Variants in TAFA2 observed in about 807,000 individuals in gnomAD.
TAFA2 encodes the protein chemokine-like protein TAFA-2.
In TAFA2, 7 loss-of-function variants were observed where a neutral mutation model predicts 18.8. The ratio of observed to expected loss-of-function variants is 0.37; its 90% CI spans 0.21 to 0.70. The LOEUF (loss-of-function observed/expected upper bound fraction) is 0.70. Among genes scored for constraint, TAFA2 ranks in the 30% least tolerant of loss-of-function variants. The pLI is 0.53. For missense variants in TAFA2, 122 were observed against 158.1 expected (o/e 0.77, Z 1.23); for synonymous variants, 60 against 54.2 (o/e 1.11, Z -0.47).
intron 4 of TAFA2, among the ~76,000 whole-genome samples, chr12:61,747,077 CAAAAG>C (rs1416278298): frequency 2.0e-5 from 3 of 152,058 alleles, no homozygotes; most frequent in Admixed American, 1.3e-4. Flanking sequence ...AGACACTTCT[CAAAAG>C]AAGACATTTA....
chr12:61,895,040 G>T (rs749175411), intron 1 of TAFA2, among the ~76,000 whole-genome samples: 8 of 152,060 alleles, frequency 5.3e-5, no homozygotes, highest in Non-Finnish European at 1.2e-4. Flanking sequence ...AAAGAACACA[G>T]ACAGAGCAAA....
At position 62,130,783 on chromosome 12, in the gene TAFA2, A is replaced by G. The variant is rs531564550; in HGVS notation, c.-2+60476T>C. ...TTAAGTGTTCTGATTTTCAAACACA[A>G]TATGTTTCTTTGAGAGGGACATGCC... On this transcript the variant is annotated intron_variant, in intron 1 of 4. Transcript: ENST00000416284. Among the ~76,000 whole-genome samples, 4 of 152,152 alleles carry G rather than the reference A, an allele frequency of 2.6e-5. No individual in the cohort carries two copies. The East Asian group carries it at 5.8e-4, about 22-fold the overall frequency.
intron 2 of TAFA2, among the ~76,000 whole-genome samples, chr12:61,762,565 T>C (rs1484854980): frequency 1.3e-5 from 2 of 151,678 alleles, no homozygotes; most frequent in South Asian, 2.1e-4. Context: ...GCAATATGCA[T>C]ATAAGCTGCA....
chr12:61,780,219 C>T (rs1870446731), intron 2 of TAFA2, among the ~76,000 whole-genome samples: 2 of 151,776 alleles, frequency 1.3e-5, no homozygotes, highest in Non-Finnish European at 2.9e-5. Context: ...TGTACATGTG[C>T]TATGACAGGA....
chr12:61,914,848 T>A (rs755982779), intron 1 of TAFA2, among the ~76,000 whole-genome samples: 49 of 152,292 alleles, frequency 3.2e-4, no homozygotes, highest in Non-Finnish European at 5.6e-4. Flanking sequence ...TAAAGACTTA[T>A]TTTATATATG....
chr12:62,078,729 C>G (rs188781000), intron 1 of TAFA2, among the ~76,000 whole-genome samples: 47 of 152,318 alleles, frequency 3.1e-4, no homozygotes, highest in Non-Finnish European at 5.3e-4. Flanking sequence ...TTATGCTCCT[C>G]CCTTGTCTTG....
At chr12:62,194,810 T>C (rs1484633232), upstream of TAFA2, among the ~76,000 whole-genome samples, 2 of 152,224 alleles carry the variant, frequency 1.3e-5, no homozygotes, top group African/African-American at 4.8e-5. Flanking sequence ...ACCACAAATA[T>C]TGCAATAAAG....
rs562243780 is a variant in TAFA2, at chr12:61,973,102, A to G, written c.-1-105676T>C. 7.2e-5 allele frequency among the ~76,000 whole-genome samples: 11 copies of G among 151,792 alleles called. No homozygotes were observed. In the East Asian group the frequency reaches 1.9e-3, roughly 27 times the overall value. ...TCAGACACATAACTCCCATTAAAGTAAATGCATGTTTTTATACACCTGTCA... is the reference window on the plus strand; with the variant it reads ...TCAGACACATAACTCCCATTAAAGTGAATGCATGTTTTTATACACCTGTCA... On this transcript the variant is annotated intron_variant, in intron 1 of 4. Coordinates refer to ENST00000416284, the MANE Select transcript of TAFA2 (RefSeq NM_178539.5).
intron 2 of TAFA2, among the ~76,000 whole-genome samples, chr12:61,834,054 C>G (rs554109657): frequency 6.6e-6 from 1 of 152,152 alleles, no homozygotes; most frequent in South Asian, 2.1e-4. Flanking sequence ...ACTTTTCCTT[C>G]AAGATCCATG....
chr12:61,931,055 A>C (rs1312820688), intron 1 of TAFA2, among the ~76,000 whole-genome samples: 1 of 152,240 alleles, frequency 6.6e-6, no homozygotes, highest in African/African-American at 2.4e-5. Context: ...ATGACATGCC[A>C]TATAGCTAAA....
intron 1 of TAFA2, among the ~76,000 whole-genome samples, chr12:62,253,917 T>C (rs931580556): frequency 1.3e-5 from 2 of 152,242 alleles, no homozygotes; most frequent in Non-Finnish European, 2.9e-5. Context: ...TATGTATCTA[T>C]GTTTGTGGTT....
chr12:62,113,098 T>A (rs1165102783), intron 1 of TAFA2, among the ~76,000 whole-genome samples: 3 of 152,122 alleles, frequency 2.0e-5, no homozygotes, highest in African/African-American at 7.2e-5. Flanking sequence ...TTTGGGCTGG[T>A]TTTTCCTCAT....
chr12:62,149,943 C>T lies in TAFA2; in HGVS notation c.-2+41316G>A, dbSNP rs533288994. 2.1e-3 allele frequency among the ~76,000 whole-genome samples: 319 copies of T among 152,272 alleles called. 1 individual carries two copies. The highest frequency in any genetic ancestry group is 3.4e-3 in the Non-Finnish European group (231 of 68,010). ...TTATAAAGATCGACGCAATTACTCT[C>T]CTTAAAGCTAAGGGACAGAAAACTC... On this transcript the variant is annotated intron_variant, in intron 1 of 4. Coordinates refer to ENST00000416284, the MANE Select transcript of TAFA2 (RefSeq NM_178539.5).
chr12:62,183,540 T>A (rs1450823740), intron 1 of TAFA2, among the ~76,000 whole-genome samples: 1 of 152,134 alleles, frequency 6.6e-6, no homozygotes, highest in Non-Finnish European at 1.5e-5. Flanking sequence ...CTTGCCACCA[T>A]GCCCGGCTGA....
intron 1 of TAFA2, among the ~76,000 whole-genome samples, chr12:61,886,379 C>T (rs1230924134): frequency 2.0e-5 from 3 of 152,170 alleles, no homozygotes; most frequent in East Asian, 1.9e-4. Context: ...CCCCCTGCCC[C>T]CACTGCCACT....
intron 1 of TAFA2, among the ~76,000 whole-genome samples, chr12:61,997,088 TAAAC>T (rs942059653): frequency 1.3e-5 from 2 of 150,898 alleles, no homozygotes; most frequent in Admixed American, 6.6e-5. Flanking sequence ...CAAAAAATAA[TAAAC>T]AAATAAACAC....
chr12:62,087,800 G>A (rs1191507441), intron 1 of TAFA2, among the ~76,000 whole-genome samples: 3 of 152,108 alleles, frequency 2.0e-5, no homozygotes, highest in African/African-American at 4.8e-5. Flanking sequence ...AAGAGTTGAA[G>A]CAGATCCATT....
intron 1 of TAFA2, among the ~76,000 whole-genome samples, chr12:62,188,385 G>T (rs995293929): frequency 6.6e-6 from 1 of 152,148 alleles, no homozygotes; most frequent in Non-Finnish European, 1.5e-5. Flanking sequence ...TGAACTGTTT[G>T]CACTCTGGTT....
intron 4 of TAFA2, among the ~76,000 whole-genome samples, chr12:61,722,470 G>A (rs1412733712): frequency 6.6e-6 from 1 of 152,164 alleles, no homozygotes; most frequent in African/African-American, 2.4e-5. Flanking sequence ...CAGTTGTGAA[G>A]TGGGTCAGTG....
Sources: allele counts gnomAD v4.1 joint callset (sites outside exome capture counted in the v4.1 genomes callset), GRCh38; gene constraint gnomAD v4.1.1; transcripts MANE v1.5; gene names NCBI Gene and HGNC (gene_info 2026-07-23, HGNC 2026-07-21).